GPR146: variants seen among roughly 807,000 people sequenced by gnomAD.
GPR146 encodes G protein-coupled receptor 146, also known as G-protein coupled receptor 146.
For missense variants in GPR146, 381 were observed against 213.9 expected (o/e 1.78, Z -4.87); for synonymous variants, 203 against 104.3 (o/e 1.95, Z -5.77).
In GPR146 at chr7:1,057,776, C is replaced by A. The variant is rs775308812; in HGVS notation, c.261C>A (p.Pro87=). 1 of 775,852 alleles carries A rather than the reference C, an allele frequency of 1.3e-6. No individual in the cohort carries two copies. Among genetic ancestry groups the A allele is most frequent in the Non-Finnish European group, 2.4e-6 (1 of 417,828 alleles). The allele number at this position is 775,852 out of a possible 1,614,324, so 48.1% of individuals were successfully genotyped here. Residue 87 remains proline (P), a synonymous_variant, in exon 2 of 2, where the codon CCC becomes CCA. Transcript: ENST00000444847. The stretch of plus-strand genomic sequence containing the variant: ...TGGCCCCTGTGCACCTGCTCGGCCC[C>A]CCGAGCTCCCGGTGGGCGCTGTGGA... ...SALAPVHLLG[P]PSSRWALWSV...
Position 1,053,618 on chromosome 7 carries a change from G to A in GPR146, c.-24-3874G>A, listed in dbSNP as rs552940206. 2.0e-3 allele frequency among the ~76,000 whole-genome samples: 310 copies of A among 152,250 alleles called. 1 individual carries two copies. Among genetic ancestry groups the A allele is most frequent in the African/African-American group, 7.0e-3 (289 of 41,544 alleles). On this transcript the variant is annotated intron_variant, in intron 1 of 1. Coordinates refer to ENST00000444847, the MANE Select transcript of GPR146 (RefSeq NM_001303473.2). ...CGAGGTGGGCGGATCACCTGAGGTC[G>A]GGAGTTCGAGATCAGCCTGGCCAAC...
At chr7:1,048,976 CAG>C (rs1782841070) in intron 1 of GPR146, among the ~76,000 whole-genome samples, 1 of 152,254 alleles carries the variant, frequency 6.6e-6, no homozygotes, top group African/African-American at 2.4e-5. Context: ...AGCCCCAACT[CAG>C]AACATAAAAA....
rs1326801010 is a variant in GPR146, at chr7:1,044,848, G to A, written c.-25+190G>A. On this transcript the variant is annotated intron_variant, in intron 1 of 1. Coordinates refer to ENST00000444847, the MANE Select transcript of GPR146 (RefSeq NM_001303473.2). The stretch of plus-strand genomic sequence containing the variant: ...AGGAGGGGACCGCTGTCCTCCGGCC[G>A]CGCTCCGAGCTGAGCCCCGGGGGCG... Among the ~76,000 whole-genome samples, 5 of 152,078 alleles carry A rather than the reference G, an allele frequency of 3.3e-5. 1 individual carries two copies. Among genetic ancestry groups the A allele is most frequent in the African/African-American group, 7.2e-5 (3 of 41,420 alleles).
Position 1,057,959 on chromosome 7 carries a change from C to T in GPR146, c.444C>T (p.Cys148=), listed in dbSNP as rs142752160. 7,039 of 771,994 alleles carry T rather than the reference C, an allele frequency of 9.1e-3. 59 individuals carry two copies. The highest frequency in any genetic ancestry group is 0.011 in the Non-Finnish European group (4,432 of 417,988). The allele number at this position is 771,994 out of a possible 1,614,324, so 47.8% of individuals were successfully genotyped here. A position where few individuals can be genotyped will look rare whatever the true frequency, so the allele number is the denominator to read the frequency against. ...GCGTGTACAACACGCGGCACGTGTG[C>T]GGCTTCGTGTGGGGTGGCGCGCTGC... ...MASVYNTRHV[C]GFVWGGALLT... The change falls in exon 2 of 2, where the codon TGC becomes TGT. Residue 148 remains cysteine (C), a synonymous_variant. Transcript: ENST00000444847.
rs1784202619 is a variant in GPR146, at chr7:1,059,116, TCTCCTCAGCCACCAAATGTCCCTGACACC to T, written c.*604_*632del. On this transcript the variant is annotated 3_prime_UTR_variant, in exon 2 of 2. Coordinates refer to ENST00000444847, the MANE Select transcript of GPR146 (RefSeq NM_001303473.2). ...GAGCTATTCAATAGCAGTGACGCGCTCTCCTCAGCCACCAAATGTCCCTGACACCCTCCCCAGCCCCCACAGATAACATC... is the reference window on the plus strand; with the variant it reads ...GAGCTATTCAATAGCAGTGACGCGCTCTCCCCAGCCCCCACAGATAACATC... The T allele has an allele frequency of 5.9e-6, 1 of 168,786 alleles. No individual in the cohort carries two copies. Among genetic ancestry groups the T allele is most frequent in the Non-Finnish European group, 1.4e-5 (1 of 69,454 alleles). 10.5% of individuals were successfully genotyped at this position (168,786 alleles called of 1,614,324 possible).
chr7:1,057,716 C>T lies in GPR146; in HGVS notation c.201C>T (p.Val67=). The part of the protein sequence containing the change: ...ASMTMPDVYF[V]NMAVAGLVLS... The stretch of plus-strand genomic sequence containing the variant: ...TGACCATGCCGGACGTGTACTTTGT[C>T]AACATGGCAGTGGCAGGCCTGGTGC... The change falls in exon 2 of 2, where the codon GTC becomes GTT. Residue 67 remains valine, a synonymous_variant. Coordinates refer to ENST00000444847, the MANE Select transcript of GPR146 (RefSeq NM_001303473.2). 1.3e-6 allele frequency: 1 copy of T among 776,144 alleles called. No homozygotes were observed. Among genetic ancestry groups the T allele is most frequent in the South Asian group, 1.3e-5 (1 of 74,416 alleles). 48.1% of individuals were successfully genotyped at this position (776,144 alleles called of 1,614,324 possible).
intron 1 of GPR146, chr7:1,045,449 C>G (rs377254682): frequency 6.6e-6 from 1 of 152,236 alleles, no homozygotes; most frequent in African/African-American, 2.4e-5. Context: ...TTGCTACCTG[C>G]AGCACCTAGC....
intron 1 of GPR146, among the ~76,000 whole-genome samples, chr7:1,044,927 G>A (rs1208697561): frequency 6.6e-6 from 1 of 152,246 alleles, no homozygotes; most frequent in Non-Finnish European, 1.5e-5. Flanking sequence ...TGGCGTAGGC[G>A]GCACAGCGCC....
intron 1 of GPR146, among the ~76,000 whole-genome samples, chr7:1,055,122 T>C (rs1368122700): frequency 6.6e-6 from 1 of 152,024 alleles, no homozygotes; most frequent in Non-Finnish European, 1.5e-5. Context: ...AGCCAGGCTA[T>C]CAGAAAGGTG....
intron 1 of GPR146, among the ~76,000 whole-genome samples, chr7:1,046,336 C>T (rs1031662332): frequency 4.6e-5 from 7 of 152,172 alleles, no homozygotes; most frequent in African/African-American, 1.7e-4. Context: ...AGAACCCGGC[C>T]GACCGTGTCA....
intron 1 of GPR146, among the ~76,000 whole-genome samples, chr7:1,053,741 C>G (rs951793045): frequency 6.6e-6 from 1 of 152,170 alleles, no homozygotes; most frequent in Admixed American, 6.5e-5. Context: ...GCAGGAGAAT[C>G]GCTTGAACCC....
intron 1 of GPR146, among the ~76,000 whole-genome samples, chr7:1,053,627 A>C (rs1783390265): frequency 6.6e-6 from 1 of 152,202 alleles, no homozygotes; most frequent in African/African-American, 2.4e-5. Context: ...CGGGAGTTCG[A>C]GATCAGCCTG....
At chr7:1,053,814 G>C (rs551712769) in intron 1 of GPR146, among the ~76,000 whole-genome samples, 147 of 152,266 alleles carry the variant, frequency 9.7e-4, no homozygotes, top group African/African-American at 3.4e-3. Flanking sequence ...GCAACAGAGC[G>C]AGACTCCATC....
chr7:1,056,298 G>C (rs1260238601), intron 1 of GPR146: 1 of 152,906 alleles, frequency 6.5e-6, no homozygotes, highest in Non-Finnish European at 1.5e-5. Flanking sequence ...GGGGTGCTGT[G>C]GCAGCGCTGT....
intron 1 of GPR146, among the ~76,000 whole-genome samples, chr7:1,051,402 G>A (rs369307801): frequency 6.6e-6 from 1 of 152,230 alleles, no homozygotes; most frequent in Non-Finnish European, 1.5e-5. Context: ...GCAGTTTCCC[G>A]CACAGCGTGG....
In GPR146 at chr7:1,058,479, T is replaced by C. The variant is rs752806389; in HGVS notation, c.964T>C (p.Ser322Pro). ...GCTGCCCTGCGGGGACCGGCACTGCTCCCCGGACCACATGGGGGTGCAGCA... is the reference window on the plus strand; with the variant it reads ...GCTGCCCTGCGGGGACCGGCACTGCCCCCCGGACCACATGGGGGTGCAGCA... ...KKLPCGDRHC[S>P]PDHMGVQQVL... The change falls in exon 2 of 2, where the codon TCC becomes CCC. Residue 322 changes from serine to proline, a missense_variant. Transcript: ENST00000444847. The C allele has an allele frequency of 3.8e-6, 3 of 779,962 alleles. No homozygotes were observed. Among genetic ancestry groups the C allele is most frequent in the Non-Finnish European group, 7.2e-6 (3 of 418,078 alleles). The allele number at this position is 779,962 out of a possible 1,614,324, so 48.3% of individuals were successfully genotyped here.
At chr7:1,051,424 G>C (rs772691177) in intron 1 of GPR146, among the ~76,000 whole-genome samples, 1 of 152,240 alleles carries the variant, frequency 6.6e-6, no homozygotes, top group African/African-American at 2.4e-5. Flanking sequence ...GAGCACATTT[G>C]CTCACGTCTC....
At chr7:1,053,452 G>A (rs907272566) in intron 1 of GPR146, among the ~76,000 whole-genome samples, 3 of 152,244 alleles carry the variant, frequency 2.0e-5, no homozygotes, top group Non-Finnish European at 2.9e-5. Flanking sequence ...GACCAGGAGA[G>A]GTGGGAACAC....
intron 1 of GPR146, chr7:1,055,408 A>G: frequency 2.1e-6 from 1 of 469,138 alleles, no homozygotes; most frequent in Middle Eastern, 3.8e-4. Flanking sequence ...TCTGGTGGCC[A>G]CCTCTGTCCC....
Sources: gnomAD v4.1 joint callset for allele counts (sites outside exome capture counted in the v4.1 genomes callset) on GRCh38, gnomAD v4.1.1 for gene constraint, MANE v1.5 for transcripts, NCBI Gene and HGNC (gene_info 2026-07-23, HGNC 2026-07-21) for gene names.